SPON1: variants seen among roughly 807,000 people sequenced by gnomAD.
The protein encoded by SPON1 is spondin-1.
Under a neutral mutation model 111.7 loss-of-function variants are expected in SPON1, and 52 were observed. That is an observed-to-expected ratio of 0.47 (90% confidence interval 0.37 to 0.59). The LOEUF (loss-of-function observed/expected upper bound fraction) is 0.59. Ranked by LOEUF, SPON1 falls within the 20% of genes least tolerant of loss-of-function variation. The pLI, the probability that SPON1 is intolerant of heterozygous loss-of-function variation, is 0.00. For missense variants in SPON1, 957 were observed against 1,068.5 expected (o/e 0.90, Z 1.46); for synonymous variants, 410 against 395.8 (o/e 1.04, Z -0.43).
chr11:14,189,352 C>A (rs1246720660), intron 6 of SPON1, among the ~76,000 whole-genome samples: 2 of 152,232 alleles, frequency 1.3e-5, no homozygotes, highest in Admixed American at 6.5e-5. Flanking sequence ...TCCAACCCCA[C>A]TCTTCTGCAG....
Position 14,249,359 on chromosome 11 carries a change from A to G in SPON1, c.891-5169A>G, listed in dbSNP as rs76716407. Among the ~76,000 whole-genome samples the G allele has an allele frequency of 4.6e-5, 7 of 152,300 alleles. No individual in the cohort carries two copies. In the East Asian group the frequency reaches 1.2e-3, roughly 25 times the overall value. On this transcript the variant is annotated intron_variant, in intron 7 of 15. Transcript: ENST00000576479. ...GATGTCCTCGGGATGCTAAAGGAAG[A>G]TGGGCTTTGGACAGAGAAGCAGGTG...
At chr11:14,248,937 A>G (rs1477885451) in intron 7 of SPON1, among the ~76,000 whole-genome samples, 1 of 152,230 alleles carries the variant, frequency 6.6e-6, no homozygotes, top group Non-Finnish European at 1.5e-5. Context: ...CAGGAAAGGC[A>G]GACTCTGAAC....
intron 2 of SPON1, among the ~76,000 whole-genome samples, chr11:13,986,671 G>A (rs535838281): frequency 1.1e-4 from 16 of 151,260 alleles, no homozygotes; most frequent in African/African-American, 2.2e-4. Context: ...TCATAAACCC[G>A]TCACCTACAT....
At position 14,234,714 on chromosome 11, in the gene SPON1, G is replaced by A. The variant is rs370027912; in HGVS notation, c.826-8618G>A. ...GATGGTCCCTTCCTCTCTGGCTTCA[G>A]AAATGCCAAGCTGCTTCCACAAAAC... On this transcript the variant is annotated intron_variant, in intron 6 of 15. Transcript: ENST00000576479. Among the ~76,000 whole-genome samples the A allele has an allele frequency of 1.2e-3, 186 of 152,320 alleles. 2 individuals are homozygous for A. The highest frequency in any genetic ancestry group is 8.9e-3 in the South Asian group (43 of 4,828).
intron 1 of SPON1, among the ~76,000 whole-genome samples, chr11:13,978,169 A>T (rs782342460): frequency 5.3e-5 from 8 of 152,086 alleles, no homozygotes; most frequent in Non-Finnish European, 1.0e-4. Context: ...GTAAGTCTTG[A>T]TATCTGGGAG....
In SPON1 at chr11:13,985,881, G is replaced by A. The variant is rs570837749; in HGVS notation, c.345+2928G>A. On this transcript the variant is annotated intron_variant, in intron 2 of 15. Coordinates refer to ENST00000576479, the MANE Select transcript of SPON1 (RefSeq NM_006108.4). Reference sequence around the variant, plus strand: ...CTTGTGCCATCAAAATGCACACTCCGCTTGGGTTCCAATTGTCTCAGAGAT... The same window carrying A: ...CTTGTGCCATCAAAATGCACACTCCACTTGGGTTCCAATTGTCTCAGAGAT... Among the ~76,000 whole-genome samples the A allele has an allele frequency of 2.6e-5, 4 of 152,188 alleles. No individual in the cohort carries two copies. The East Asian group carries it at 5.8e-4, about 22-fold the overall frequency.
chr11:14,161,812 T>G (rs1423909371), intron 6 of SPON1, among the ~76,000 whole-genome samples: 3 of 152,156 alleles, frequency 2.0e-5, no homozygotes, highest in Non-Finnish European at 4.4e-5. Flanking sequence ...TCAAAAATTA[T>G]AAGTTGAACC....
intron 6 of SPON1, among the ~76,000 whole-genome samples, chr11:14,239,727 A>G (rs1554939507): frequency 1.3e-5 from 2 of 152,250 alleles, no homozygotes; most frequent in Non-Finnish European, 2.9e-5. Context: ...CCTGTCTCAA[A>G]AACAAAACAA....
At chr11:14,233,709 A>G (rs893651591) in intron 6 of SPON1, among the ~76,000 whole-genome samples, 1 of 149,754 alleles carries the variant, frequency 6.7e-6, no homozygotes, top group African/African-American at 2.5e-5. Context: ...CTGGGATGGC[A>G]GTGGGGATGG....
chr11:14,085,158 A>G (rs1239306974), intron 5 of SPON1, among the ~76,000 whole-genome samples: 1 of 152,038 alleles, frequency 6.6e-6, no homozygotes, highest in African/African-American at 2.4e-5. Context: ...GTAAGATCCC[A>G]TTTGTCAATT....
intron 6 of SPON1, among the ~76,000 whole-genome samples, chr11:14,223,166 A>G (rs782534899): frequency 1.1e-4 from 17 of 152,186 alleles, no homozygotes; most frequent in Non-Finnish European, 2.4e-4. Context: ...GGAGTTCGAG[A>G]CCAGCCTGCC....
At chr11:14,026,094 C>T (rs1848516041) in intron 2 of SPON1, among the ~76,000 whole-genome samples, 1 of 152,234 alleles carries the variant, frequency 6.6e-6, no homozygotes, top group Admixed American at 6.5e-5. Flanking sequence ...GCTCCCTTCC[C>T]ACAGCTTCCA....
intron 5 of SPON1, among the ~76,000 whole-genome samples, chr11:14,091,153 A>C (rs898415683): frequency 1.3e-5 from 2 of 152,098 alleles, no homozygotes; most frequent in Admixed American, 1.3e-4. Context: ...CGATTGGTGC[A>C]CTCACAAACC....
At chr11:14,200,497 T>C (rs1848449979) in intron 6 of SPON1, among the ~76,000 whole-genome samples, 1 of 152,222 alleles carries the variant, frequency 6.6e-6, no homozygotes, top group Non-Finnish European at 1.5e-5. Context: ...AAATTCTTTA[T>C]TAAAAGATCT....
intron 6 of SPON1, among the ~76,000 whole-genome samples, chr11:14,179,494 T>A (rs755203735): frequency 1.3e-5 from 2 of 152,114 alleles, no homozygotes; most frequent in Non-Finnish European, 2.9e-5. Context: ...AGCTCAATTG[T>A]CATTTCCTCT....
chr11:13,965,489 T>A (rs1042802555), intron 1 of SPON1, among the ~76,000 whole-genome samples: 8 of 152,122 alleles, frequency 5.3e-5, no homozygotes, highest in African/African-American at 1.9e-4. Flanking sequence ...TACCTAAACG[T>A]CCAGGGCCAG....
intron 6 of SPON1, among the ~76,000 whole-genome samples, chr11:14,172,508 G>A (rs1400764344): frequency 1.3e-5 from 2 of 151,806 alleles, no homozygotes; most frequent in Non-Finnish European, 2.9e-5. Flanking sequence ...GGTTAATATT[G>A]TTATGTGTGA....
intron 8 of SPON1, 67 bp downstream of exon 8, chr11:14,254,796 A>C: frequency 1.3e-6 from 2 of 1,486,948 alleles, no homozygotes; most frequent in East Asian, 4.5e-5. Context: ...TCCTGGACAC[A>C]GAGGGGATCT....
chr11:14,174,521 G>A (rs1434304153), intron 6 of SPON1, among the ~76,000 whole-genome samples: 2 of 151,920 alleles, frequency 1.3e-5, no homozygotes, highest in Non-Finnish European at 2.9e-5. Context: ...TAATTCCTTG[G>A]GTTTCATGAG....
Sources: allele counts gnomAD v4.1 joint callset (sites outside exome capture counted in the v4.1 genomes callset), GRCh38; gene constraint gnomAD v4.1.1; transcripts MANE v1.5; gene names NCBI Gene and HGNC (gene_info 2026-07-23, HGNC 2026-07-21).